PARD3: variants seen among roughly 807,000 people sequenced by gnomAD.
PARD3 encodes the protein partitioning defective 3 homolog.
A neutral mutation model predicts 155.4 loss-of-function variants in PARD3; 75 were observed. The observed-to-expected ratio is 0.48, with a 90% confidence interval of 0.40 to 0.58. The LOEUF is 0.58. Ranked by LOEUF, PARD3 falls within the 20% of genes least tolerant of loss-of-function variation. The pLI, the probability that PARD3 is intolerant of heterozygous loss-of-function variation, is 0.00. For missense variants in PARD3, 1,642 were observed against 1,721.7 expected, an observed-to-expected ratio of 0.95 and a Z score of 0.82; for synonymous variants, 576 against 610.5, an observed-to-expected ratio of 0.94 and a Z score of 0.83.
intron 22 of PARD3, among the ~76,000 whole-genome samples, chr10:34,190,368 T>C (rs942352065): frequency 5.9e-5 from 9 of 152,362 alleles, no homozygotes; most frequent in African/African-American, 2.2e-4. Flanking sequence ...CTTACAATTT[T>C]TTATTCTGCA....
intron 22 of PARD3, among the ~76,000 whole-genome samples, chr10:34,258,469 C>T (rs1954775120): frequency 6.6e-6 from 1 of 152,120 alleles, no homozygotes; most frequent in South Asian, 2.1e-4. Context: ...TGAGATTAGG[C>T]TGTTGAAACT....
At chr10:34,628,252 C>T (rs1337629775) in intron 2 of PARD3, among the ~76,000 whole-genome samples, 1 of 152,194 alleles carries the variant, frequency 6.6e-6, no homozygotes, top group African/African-American at 2.4e-5. Flanking sequence ...AAGAAATAAG[C>T]TCAAGCACAT....
chr10:34,569,379 T>C (rs1564362387), intron 2 of PARD3, among the ~76,000 whole-genome samples: 1 of 152,150 alleles, frequency 6.6e-6, no homozygotes, highest in Admixed American at 6.6e-5. Flanking sequence ...CAAAGTAAAT[T>C]TGCAATGCTT....
chr10:34,257,772 G>C (rs961525013), intron 22 of PARD3, among the ~76,000 whole-genome samples: 2 of 152,046 alleles, frequency 1.3e-5, no homozygotes, highest in East Asian at 3.8e-4. Context: ...TTGTGGTTTC[G>C]GGCAATGTTA....
chr10:34,657,778 A>G (rs1461349047), intron 2 of PARD3, among the ~76,000 whole-genome samples: 2 of 152,056 alleles, frequency 1.3e-5, no homozygotes, highest in Non-Finnish European at 2.9e-5. Flanking sequence ...ACCTCAGGTG[A>G]TCCGCCTGCC....
chr10:34,722,454 C>G (rs1306335044), intron 1 of PARD3, among the ~76,000 whole-genome samples: 1 of 152,140 alleles, frequency 6.6e-6, no homozygotes, highest in Non-Finnish European at 1.5e-5. Flanking sequence ...AAACTATAAT[C>G]ATAGAAAACA....
At chr10:34,276,449 C>T (rs953443159) in intron 21 of PARD3, among the ~76,000 whole-genome samples, 1 of 150,866 alleles carries the variant, frequency 6.6e-6, no homozygotes, top group African/African-American at 2.4e-5. Flanking sequence ...ACAGTGTTCA[C>T]CACCTTTTCT....
intron 5 of PARD3, among the ~76,000 whole-genome samples, chr10:34,413,010 T>C (rs558612202): frequency 2.7e-4 from 41 of 152,286 alleles, no homozygotes; most frequent in African/African-American, 9.6e-4. Context: ...ACGTTTACTC[T>C]TAAAATGTTA....
intron 22 of PARD3, among the ~76,000 whole-genome samples, chr10:34,257,560 A>C (rs1192500080): frequency 6.6e-6 from 1 of 152,234 alleles, no homozygotes; most frequent in Non-Finnish European, 1.5e-5. Flanking sequence ...TTAAAGACCT[A>C]AAAGTTCAGT....
chr10:34,628,688 T>C (rs1013253092), intron 2 of PARD3, among the ~76,000 whole-genome samples: 15 of 152,236 alleles, frequency 9.9e-5, no homozygotes, highest in Admixed American at 7.9e-4. Flanking sequence ...ACAGCCACAC[T>C]GCGCAGCACT....
intron 22 of PARD3, among the ~76,000 whole-genome samples, chr10:34,259,118 A>G (rs1347035946): frequency 6.6e-6 from 1 of 152,184 alleles, no homozygotes; most frequent in Non-Finnish European, 1.5e-5. Flanking sequence ...CCACAAAAAC[A>G]AAGAGAACAG....
chr10:34,116,334 T>C (rs1040986192), intron 24 of PARD3, among the ~76,000 whole-genome samples: 1 of 152,262 alleles, frequency 6.6e-6, no homozygotes, highest in Non-Finnish European at 1.5e-5. Flanking sequence ...ACTTTTTTTC[T>C]GTGTGTAATC....
chr10:34,199,136 G>T (rs1951090656), intron 22 of PARD3, among the ~76,000 whole-genome samples: 1 of 152,116 alleles, frequency 6.6e-6, no homozygotes, highest in African/African-American at 2.4e-5. Flanking sequence ...CCCATGACAG[G>T]ATCCAATCAG....
intron 21 of PARD3, among the ~76,000 whole-genome samples, chr10:34,279,554 A>G (rs1175005725): frequency 2.0e-5 from 3 of 152,222 alleles, no homozygotes; most frequent in African/African-American, 7.2e-5. Context: ...TTGCATGACA[A>G]TAAGTGATCT....
intron 10 of PARD3, 29 bp from the exon 11 acceptor site, chr10:34,375,031 A>G (rs1393348208): frequency 2.6e-6 from 4 of 1,543,916 alleles, no homozygotes; most frequent in Non-Finnish European, 3.6e-6. Context: ...TTTCAGCTGT[A>G]ATCCTGTGGA....
At chr10:34,213,777 C>T (rs995167027) in intron 22 of PARD3, among the ~76,000 whole-genome samples, 1 of 152,172 alleles carries the variant, frequency 6.6e-6, no homozygotes, top group African/African-American at 2.4e-5. Context: ...GGCAGTGCTG[C>T]TCCACGATTC....
chr10:34,240,177 G>T (rs1177400159), intron 22 of PARD3, among the ~76,000 whole-genome samples: 1 of 152,148 alleles, frequency 6.6e-6, no homozygotes, highest in African/African-American at 2.4e-5. Context: ...TCCATAAAAT[G>T]AAAGATCATG....
At chr10:34,798,034 T>C (rs752677796) in intron 1 of PARD3, among the ~76,000 whole-genome samples, 3 of 151,950 alleles carry the variant, frequency 2.0e-5, no homozygotes, top group African/African-American at 4.8e-5. Context: ...AAAGAAAATA[T>C]ACAGACTGGA....
intron 22 of PARD3, among the ~76,000 whole-genome samples, chr10:34,132,730 G>C (rs1208772645): frequency 3.3e-5 from 5 of 152,118 alleles, no homozygotes; most frequent in Non-Finnish European, 7.4e-5. Flanking sequence ...CCCACCCTCA[G>C]AAGTCTGGAA....
Sources: allele counts gnomAD v4.1 joint callset (sites outside exome capture counted in the v4.1 genomes callset), GRCh38; gene constraint gnomAD v4.1.1; transcripts MANE v1.5; gene names NCBI Gene and HGNC (gene_info 2026-07-23, HGNC 2026-07-21).